RASGEF1A: variants seen among roughly 807,000 people sequenced by gnomAD.
RASGEF1A encodes ras-GEF domain-containing family member 1A.
In RASGEF1A, 18 loss-of-function variants were observed where a neutral mutation model predicts 56.4. That is an observed-to-expected ratio of 0.32 (90% CI 0.22 to 0.47). The LOEUF (loss-of-function observed/expected upper bound fraction) is 0.47, where lower values mean the gene tolerates loss of function less well. Among genes scored for constraint, RASGEF1A ranks in the 20% least tolerant of loss-of-function variants. RASGEF1A has a pLI of 1.00. For missense variants in RASGEF1A, 422 were observed against 627.1 expected, an observed-to-expected ratio of 0.67 and a Z score of 3.49; for synonymous variants, 245 against 242.6, an observed-to-expected ratio of 1.01 and a Z score of -0.09.
At chr10:43,221,588 AG>A (rs1396488321) in intron 1 of RASGEF1A, among the ~76,000 whole-genome samples, 1 of 152,208 alleles carries the variant, frequency 6.6e-6, no homozygotes, top group East Asian at 1.9e-4. Flanking sequence ...CAGCAGGGGG[AG>A]CCAGCCAGGC....
chr10:43,262,466 CCCTCT>C (rs1052565992), intron 1 of RASGEF1A, among the ~76,000 whole-genome samples: 6 of 152,176 alleles, frequency 3.9e-5, no homozygotes, highest in Non-Finnish European at 8.8e-5. Flanking sequence ...AGGTCTGCTT[CCCTCT>C]CCTCTCCTCT....
At chr10:43,208,543 G>T (rs932911938) in intron 1 of RASGEF1A, 187 of 985,614 alleles carry the variant, frequency 1.9e-4, no homozygotes, top group Non-Finnish European at 2.2e-4. Context: ...GCAAGCAGAG[G>T]TTCTGCACAT....
At chr10:43,244,464 G>A (rs1047453406) in intron 1 of RASGEF1A, among the ~76,000 whole-genome samples, 7 of 150,754 alleles carry the variant, frequency 4.6e-5, no homozygotes, top group East Asian at 1.9e-4. Context: ...AACAGACATC[G>A]ACAGAACACT....
At chr10:43,253,073 C>T (rs75710648) in intron 1 of RASGEF1A, among the ~76,000 whole-genome samples, 6,744 of 152,320 alleles carry the variant, frequency 0.044, 173 homozygotes, top group South Asian at 0.088. Context: ...GGGCTGTGCA[C>T]ACCCAGCCCA....
intron 1 of RASGEF1A, among the ~76,000 whole-genome samples, chr10:43,247,085 C>T (rs1227502129): frequency 6.6e-6 from 1 of 152,114 alleles, no homozygotes; most frequent in East Asian, 1.9e-4. Flanking sequence ...AAAAAGATAG[C>T]CCAGTTAAAA....
In RASGEF1A at chr10:43,196,142, T is replaced by C. The variant is rs1839793274; in HGVS notation, c.*102A>G. The C allele has an allele frequency of 5.6e-6, 6 of 1,079,436 alleles. No homozygotes were observed. In the East Asian group the frequency reaches 7.3e-5, roughly 13 times the overall value. 66.9% of individuals were successfully genotyped at this position (1,079,436 alleles called of 1,614,324 possible). A position where few individuals can be genotyped will look rare whatever the true frequency, so the allele number is the denominator to read the frequency against. On this transcript the variant is annotated 3_prime_UTR_variant, in exon 13 of 13. Transcript: ENST00000395810. The surrounding 1 kb of genome is among the most constrained non-coding windows in gnomAD (Gnocchi z 4.6). ...TTTCTCATAAAAGTTATATACAAAA[T>C]GGACCCCAACCAGTGAGGCCTCCTC... is the stretch of plus-strand genomic sequence containing the variant.
At chr10:43,205,143 G>A (rs1839975037) in intron 2 of RASGEF1A, among the ~76,000 whole-genome samples, 1 of 152,182 alleles carries the variant, frequency 6.6e-6, no homozygotes, top group African/African-American at 2.4e-5. Context: ...CCACCTCCCT[G>A]CAAGCTGTCT....
At chr10:43,264,469 C>T (rs1172675711) in intron 1 of RASGEF1A, among the ~76,000 whole-genome samples, 1 of 151,672 alleles carries the variant, frequency 6.6e-6, no homozygotes. Flanking sequence ...CCTCCCTCCG[C>T]ACATCACACC....
chr10:43,209,462 CTTT>C (rs1840037086), intron 1 of RASGEF1A, among the ~76,000 whole-genome samples: 1 of 152,190 alleles, frequency 6.6e-6, no homozygotes, highest in Non-Finnish European at 1.5e-5. Flanking sequence ...GCCTTAACTT[CTTT>C]GTCTGTAAAA....
At chr10:43,250,550 C>T (rs923805274) in intron 1 of RASGEF1A, among the ~76,000 whole-genome samples, 8 of 152,192 alleles carry the variant, frequency 5.3e-5, no homozygotes, top group Admixed American at 3.3e-4. Flanking sequence ...GGGGGTGTGG[C>T]TCTGAGGTTG....
At chr10:43,202,821 T>C (rs1204209601) in intron 3 of RASGEF1A, 1 of 422,946 alleles carries the variant, frequency 2.4e-6, no homozygotes, top group South Asian at 1.7e-5. Context: ...CCCAGCCTGG[T>C]GTGGCGTCAC....
intron 1 of RASGEF1A, among the ~76,000 whole-genome samples, chr10:43,212,956 TGA>T (rs1190231247): frequency 6.6e-6 from 1 of 152,150 alleles, no homozygotes; most frequent in Non-Finnish European, 1.5e-5. Context: ...CACACAGCAC[TGA>T]GAGTGGAGGT....
intron 4 of RASGEF1A, 32 bp from the exon 5 acceptor site, chr10:43,200,920 A>G: frequency 6.3e-7 from 1 of 1,581,944 alleles, no homozygotes; most frequent in Non-Finnish European, 8.7e-7. Context: ...GGGTGCCAGC[A>G]TGGGCTGGCA....
intron 1 of RASGEF1A, among the ~76,000 whole-genome samples, chr10:43,216,114 G>A (rs1231530368): frequency 6.6e-6 from 1 of 152,200 alleles, no homozygotes; most frequent in African/African-American, 2.4e-5. Context: ...ACCTGGACCT[G>A]TGATGTGCCA....
At chr10:43,242,145 T>C (rs1840509485) in intron 1 of RASGEF1A, among the ~76,000 whole-genome samples, 1 of 151,276 alleles carries the variant, frequency 6.6e-6, no homozygotes, top group Non-Finnish European at 1.5e-5. Flanking sequence ...CTCAAAAAAA[T>C]AAATAAATAA....
intron 1 of RASGEF1A, among the ~76,000 whole-genome samples, chr10:43,265,195 C>T (rs1836602369): frequency 6.6e-6 from 1 of 152,256 alleles, no homozygotes; most frequent in Non-Finnish European, 1.5e-5. Flanking sequence ...CCCCTCTGCT[C>T]TGTGTGAACT....
rs546017001 is a variant in RASGEF1A, at chr10:43,229,830, G to A, written c.-6-23708C>T. On this transcript the variant is annotated intron_variant, in intron 1 of 12. Transcript: ENST00000395810. ...ACCGAGGGGCTGGGCTGGGGACCGC[G>A]GGGTCCGGGCGGGGCAGAGGGGCCG... 1.7e-4 allele frequency: 173 copies of A among 1,018,058 alleles called. 5 individuals carry two copies. In the South Asian group the frequency reaches 3.0e-3, roughly 18 times the overall value. 63.1% of individuals were successfully genotyped at this position (1,018,058 alleles called of 1,614,324 possible).
At chr10:43,252,632 G>A (rs956726170) in intron 1 of RASGEF1A, among the ~76,000 whole-genome samples, 2 of 152,156 alleles carry the variant, frequency 1.3e-5, no homozygotes, top group Non-Finnish European at 2.9e-5. Flanking sequence ...CAGACACAGT[G>A]CACTTTCTTT....
rs1463296155 is a variant in RASGEF1A, at chr10:43,196,948, G to A, written c.1348+28C>T. Reference sequence around the variant, plus strand: ...GACAAGGAGTCAGGTGGGGTGGGAGGCATGCTGCGTTGGGAGGCAGCCCTC... The same window carrying A: ...GACAAGGAGTCAGGTGGGGTGGGAGACATGCTGCGTTGGGAGGCAGCCCTC... On this transcript the variant is annotated intron_variant, in intron 11 of 12. Coordinates refer to ENST00000395810, the MANE Select transcript of RASGEF1A (RefSeq NM_145313.4). The surrounding 1 kb of genome is among the most constrained non-coding windows in gnomAD (Gnocchi z 4.6). The A allele has an allele frequency of 1.2e-6, 2 of 1,609,896 alleles. No individual in the cohort carries two copies.
Sources: allele counts gnomAD v4.1 joint callset (sites outside exome capture counted in the v4.1 genomes callset), GRCh38; gene constraint gnomAD v4.1.1; non-coding constraint Gnocchi (gnomAD v3.1); transcripts MANE v1.5; gene names NCBI Gene and HGNC (gene_info 2026-07-23, HGNC 2026-07-21).